CACNB4: variants seen among roughly 807,000 people sequenced by gnomAD.
The protein encoded by CACNB4 is voltage-dependent L-type calcium channel subunit beta-4.
Under a neutral mutation model 71.2 loss-of-function variants are expected in CACNB4, and 32 were observed. The observed-to-expected ratio is 0.45, with a 90% confidence interval of 0.34 to 0.60. The LOEUF (loss-of-function observed/expected upper bound fraction) is 0.60. Among genes scored for constraint, CACNB4 ranks in the 20% least tolerant of loss-of-function variants. The pLI, the probability that CACNB4 is intolerant of heterozygous loss-of-function variation, is 0.01. For synonymous variants in CACNB4, 231 were observed against 236.9 expected (o/e 0.97, Z 0.23); for missense variants, 464 against 647.9 (o/e 0.72, Z 3.08).
chr2:151,933,052 G>A (rs1280968200), intron 2 of CACNB4, among the ~76,000 whole-genome samples: 2 of 151,724 alleles, frequency 1.3e-5, no homozygotes, highest in Non-Finnish European at 2.9e-5. Flanking sequence ...GTAGCTTTCA[G>A]AACTGTGAGA....
chr2:151,902,097 C>T (rs57006319), intron 2 of CACNB4, among the ~76,000 whole-genome samples: 12,336 of 146,812 alleles, frequency 0.084, 1,368 homozygotes, highest in East Asian at 0.56. Flanking sequence ...AGCAGTGGCA[C>T]GATCATAGTT....
chr2:151,855,866 G>T (rs1207052608), intron 10 of CACNB4, among the ~76,000 whole-genome samples: 1 of 152,068 alleles, frequency 6.6e-6, no homozygotes, highest in African/African-American at 2.4e-5. Context: ...TGTTTTGACT[G>T]ATATGCATAT....
At chr2:151,870,650 T>C in intron 7 of CACNB4, 39 bp from the exon 8 acceptor site, 1 of 1,498,412 alleles carries the variant, frequency 6.7e-7, no homozygotes, top group Non-Finnish European at 9.3e-7. Context: ...AAGGTGAGGT[T>C]GAGCATGCCT....
intron 3 of CACNB4, chr2:151,882,956 C>T: frequency 2.5e-6 from 1 of 398,024 alleles, no homozygotes; most frequent in Non-Finnish European, 4.7e-6. Flanking sequence ...CCAGCTGGTG[C>T]CTGGGGGGCT....
intron 2 of CACNB4, among the ~76,000 whole-genome samples, chr2:152,028,376 G>A (rs939013737): frequency 2.6e-5 from 4 of 152,118 alleles, no homozygotes; most frequent in African/African-American, 4.8e-5. Flanking sequence ...CATGTGCCCC[G>A]AATGAGTCAA....
intron 8 of CACNB4, 80 bp downstream of exon 8, chr2:151,870,451 A>G (rs766603220): frequency 8.4e-7 from 1 of 1,197,086 alleles, no homozygotes; most frequent in Admixed American, 1.9e-5. Flanking sequence ...GTGGAAACAG[A>G]CCCTTGAGGA....
At chr2:151,971,673 A>G in intron 2 of CACNB4, 2 of 699,880 alleles carry the variant, frequency 2.9e-6, no homozygotes, top group South Asian at 3.0e-5. Context: ...CTCTGTTCAC[A>G]CCATCTTGGG....
intron 2 of CACNB4, among the ~76,000 whole-genome samples, chr2:152,024,427 G>A (rs1409447635): frequency 5.3e-5 from 8 of 152,204 alleles, no homozygotes; most frequent in Non-Finnish European, 1.5e-5. Context: ...GCTGACAATG[G>A]CTACTCTTGA....
chr2:152,090,656 GA>G (rs1310336300), intron 2 of CACNB4, among the ~76,000 whole-genome samples: 2 of 147,568 alleles, frequency 1.4e-5, no homozygotes, highest in African/African-American at 5.0e-5. Flanking sequence ...AAAAAAAAAA[GA>G]AAAAAAGAAA....
chr2:151,964,069 GAAAAAAAA>G (rs397825547), intron 2 of CACNB4, among the ~76,000 whole-genome samples: 8 of 99,266 alleles, frequency 8.1e-5, no homozygotes, highest in African/African-American at 8.1e-5. Flanking sequence ...CTGTCTCACA[GAAAAAAAA>G]AAAAAAAAAA....
At chr2:152,085,207 T>C (rs545263152) in intron 2 of CACNB4, among the ~76,000 whole-genome samples, 1 of 151,828 alleles carries the variant, frequency 6.6e-6, no homozygotes, top group South Asian at 2.1e-4. Context: ...GCGGCCGCCA[T>C]GCAAGTACAG....
chr2:152,003,478 A>G (rs12693199), intron 2 of CACNB4, among the ~76,000 whole-genome samples: 53,721 of 151,852 alleles, frequency 0.35, 9,787 homozygotes, highest in Middle Eastern at 0.49. Flanking sequence ...AGCTGTTCTC[A>G]TAACTTACAC....
chr2:151,925,841 G>C (rs1387253525), intron 2 of CACNB4, among the ~76,000 whole-genome samples: 1 of 152,252 alleles, frequency 6.6e-6, no homozygotes, highest in African/African-American at 2.4e-5. Flanking sequence ...CTGATGGATT[G>C]GATGCAGGAT....
rs1273582679 is a variant in CACNB4 at position 151,959,486 on chromosome 2, G to A, written c.148-76116C>T. Among the ~76,000 whole-genome samples the A allele has an allele frequency of 3.3e-5, 5 of 152,300 alleles. No individual in the cohort carries two copies. The East Asian group carries it at 9.6e-4, about 29-fold the overall frequency. On this transcript the variant is annotated intron_variant, in intron 2 of 13. Coordinates refer to ENST00000539935, the MANE Select transcript of CACNB4 (RefSeq NM_000726.5). ...CAAATATTCCACATTTGAGTTGGCT[G>A]CTGGCTGGCATTTTGAAAGCCAGCT... is the stretch of plus-strand genomic sequence containing the variant.
At position 151,878,454 on chromosome 2, in the gene CACNB4, A is replaced by G. The variant is rs891826117; in HGVS notation, c.391-1898T>C. On this transcript the variant is annotated intron_variant, in intron 4 of 13. Coordinates refer to ENST00000539935, the MANE Select transcript of CACNB4 (RefSeq NM_000726.5). The stretch of plus-strand genomic sequence containing the variant: ...AATTGAGGGCTGGCCATGGTGGCAC[A>G]TTCCTGTAATCCCAGCACTTTTGGA... Among the ~76,000 whole-genome samples, 9 of 151,964 alleles carry G rather than the reference A, an allele frequency of 5.9e-5. No homozygotes were observed. In the South Asian group the frequency reaches 1.9e-3, roughly 31 times the overall value.
intron 2 of CACNB4, among the ~76,000 whole-genome samples, chr2:151,962,335 T>C (rs1193684029): frequency 2.0e-5 from 3 of 152,228 alleles, no homozygotes; most frequent in Non-Finnish European, 2.9e-5. Flanking sequence ...ACCCTACCAA[T>C]ACCTTTTCAT....
At chr2:151,918,102 C>T (rs1211483430) in intron 2 of CACNB4, among the ~76,000 whole-genome samples, 1 of 152,180 alleles carries the variant, frequency 6.6e-6, no homozygotes, top group Non-Finnish European at 1.5e-5. Flanking sequence ...AACAGCCACC[C>T]TCAACCATAT....
intron 2 of CACNB4, among the ~76,000 whole-genome samples, chr2:151,914,200 A>C (rs922422073): frequency 3.3e-5 from 5 of 151,730 alleles, no homozygotes; most frequent in Admixed American, 3.3e-4. Context: ...TCTTGTCTGC[A>C]TGTCTTATTT....
At chr2:152,067,706 C>T (rs971571703) in intron 2 of CACNB4, among the ~76,000 whole-genome samples, 12 of 152,190 alleles carry the variant, frequency 7.9e-5, no homozygotes, top group East Asian at 1.9e-4. Flanking sequence ...CTAGATCACC[C>T]GCCCTATTGC....
Sources: allele counts gnomAD v4.1 joint callset (sites outside exome capture counted in the v4.1 genomes callset), GRCh38; gene constraint gnomAD v4.1.1; transcripts MANE v1.5; gene names NCBI Gene and HGNC (gene_info 2026-07-23, HGNC 2026-07-21).